TRHR: variants seen among roughly 807,000 people sequenced by gnomAD.
The protein encoded by TRHR is thyrotropin-releasing hormone receptor.
Under a neutral mutation model 28.0 loss-of-function variants are expected in TRHR, and 14 were observed. The ratio of observed to expected loss-of-function variants is 0.50; its 90% CI spans 0.33 to 0.78. TRHR has a LOEUF of 0.78. TRHR is among the 30% of genes least tolerant of loss of function. The pLI is 0.02. For missense variants in TRHR, 438 were observed against 469.5 expected (o/e 0.93, Z 0.62); for synonymous variants, 176 against 171.9 (o/e 1.02, Z -0.18).
intron 2 of TRHR, among the ~76,000 whole-genome samples, chr8:109,092,782 G>C (rs760666979): frequency 6.6e-6 from 1 of 151,944 alleles, no homozygotes; most frequent in African/African-American, 2.4e-5. Flanking sequence ...GCTGTTATTG[G>C]TGATAATGAC....
At position 109,119,935 on chromosome 8, in the gene TRHR, G is replaced by C. The variant is rs1038065460; in HGVS notation, c.*480G>C. 6.6e-6 allele frequency among the ~76,000 whole-genome samples: 1 copy of C among 151,680 alleles called. No homozygotes were observed. The highest frequency in any genetic ancestry group is 6.6e-5 in the Admixed American group (1 of 15,192). On this transcript the variant is annotated 3_prime_UTR_variant, in exon 3 of 3. Transcript: ENST00000518632. ...TAGTTCATGAATATCTGAAATTAAA[G>C]GGAAAAATATTACAGAAACATTTTA...
At chr8:109,103,543 A>G (rs1355714541) in intron 2 of TRHR, among the ~76,000 whole-genome samples, 1 of 152,150 alleles carries the variant, frequency 6.6e-6, no homozygotes, top group Non-Finnish European at 1.5e-5. Flanking sequence ...AAAACCATCA[A>G]GAGTACTAAA....
chr8:109,102,400 C>A (rs1811691150), intron 2 of TRHR, among the ~76,000 whole-genome samples: 1 of 152,136 alleles, frequency 6.6e-6, no homozygotes. Context: ...GCTCATCCTT[C>A]TTTTTCTTGT....
In TRHR at chr8:109,120,885, T is replaced by C. The variant is rs1160467425; in HGVS notation, c.*1430T>C. 6.6e-6 allele frequency among the ~76,000 whole-genome samples: 1 copy of C among 151,592 alleles called. No homozygotes were observed. The highest frequency in any genetic ancestry group is 6.6e-5 in the Admixed American group (1 of 15,172). On this transcript the variant is annotated 3_prime_UTR_variant, in exon 3 of 3. Coordinates refer to ENST00000518632, the MANE Select transcript of TRHR (RefSeq NM_003301.7). Reference sequence around the variant, plus strand: ...AATGAGTAGATCAAAAAAGTACCCATACCTTTACATGCCCGTAGGCTGTCA... The same window carrying C: ...AATGAGTAGATCAAAAAAGTACCCACACCTTTACATGCCCGTAGGCTGTCA...
intron 1 of TRHR, among the ~76,000 whole-genome samples, chr8:109,087,108 T>C (rs1320406422): frequency 6.6e-6 from 1 of 152,202 alleles, no homozygotes; most frequent in Non-Finnish European, 1.5e-5. Flanking sequence ...GGTGTATTCA[T>C]ATTTATTTTT....
chr8:109,095,824 G>A (rs903679550), intron 2 of TRHR, among the ~76,000 whole-genome samples: 2 of 151,842 alleles, frequency 1.3e-5, no homozygotes, highest in Admixed American at 1.3e-4. Flanking sequence ...TTTTTCTCCT[G>A]TTATCCCCCC....
intron 2 of TRHR, among the ~76,000 whole-genome samples, chr8:109,090,280 T>C (rs1218097916): frequency 6.6e-6 from 1 of 152,226 alleles, no homozygotes; most frequent in African/African-American, 2.4e-5. Context: ...TCCTTCTCAA[T>C]TTTTAAAAAT....
chr8:109,117,427 G>A lies in TRHR; in HGVS notation c.790-1621G>A, dbSNP rs1483172070. 2.6e-5 allele frequency among the ~76,000 whole-genome samples: 4 copies of A among 151,924 alleles called. No homozygotes were observed. In the East Asian group the frequency reaches 7.8e-4, roughly 29 times the overall value. ...GTATTAAATAAGATAATGTTTATAT[G>A]GCATTTTTCAGATTACTTGGGCCAT... On this transcript the variant is annotated intron_variant, in intron 2 of 2. Transcript: ENST00000518632.
At chr8:109,101,683 G>A (rs1361673767) in intron 2 of TRHR, among the ~76,000 whole-genome samples, 1 of 152,144 alleles carries the variant, frequency 6.6e-6, no homozygotes, top group African/African-American at 2.4e-5. Context: ...AGCATGTCAG[G>A]TTTAGTTTTG....
rs369280510 is a variant in TRHR, at chr8:109,088,136, C to T, written c.624C>T (p.Thr208=). ...VFYVVPMILA[T]VLYGFIARIL... ...ATGTTGTGCCAATGATCCTGGCTAC[C>T]GTCCTCTATGGATTCATAGCTAGAA... is the stretch of plus-strand genomic sequence containing the variant. Residue 208 remains threonine (T), a synonymous_variant, in exon 2 of 3, where the codon ACC becomes ACT. Transcript: ENST00000518632. 8.1e-6 allele frequency: 13 copies of T among 1,614,138 alleles called. No individual in the cohort carries two copies. Among genetic ancestry groups the T allele is most frequent in the African/African-American group, 6.7e-5 (5 of 75,034 alleles).
At chr8:109,093,221 T>C (rs781541563) in intron 2 of TRHR, among the ~76,000 whole-genome samples, 8 of 151,602 alleles carry the variant, frequency 5.3e-5, no homozygotes, top group Non-Finnish European at 1.2e-4. Context: ...TACTCTTCCC[T>C]CTCTCCCATG....
In TRHR at chr8:109,087,689, C is replaced by T. The variant is rs769518194; in HGVS notation, c.177C>T (p.Pro59=). 71 of 1,613,956 alleles carry T rather than the reference C, an allele frequency of 4.4e-5. 1 individual carries two copies. In the South Asian group the frequency reaches 7.2e-4, roughly 16 times the overall value. Residue 59 remains proline, a synonymous_variant, in exon 2 of 3, where the codon CCC becomes CCT. Coordinates refer to ENST00000518632, the MANE Select transcript of TRHR (RefSeq NM_003301.7). Reference sequence around the variant, plus strand: ...TGAGAACCAAGCACATGAGGACCCCCACAAACTGCTACCTGGTGAGCCTGG... The same window carrying T: ...TGAGAACCAAGCACATGAGGACCCCTACAAACTGCTACCTGGTGAGCCTGG... ...VVMRTKHMRT[P]TNCYLVSLAV... is the part of the protein sequence containing the mutation.
intron 2 of TRHR, among the ~76,000 whole-genome samples, chr8:109,089,546 G>T (rs3134106): frequency 0.16 from 23,557 of 151,950 alleles, 2,390 homozygotes; most frequent in Admixed American, 0.31. Flanking sequence ...CATTTTAAAT[G>T]GTGCTGTAAT....
rs534306251 is a variant in TRHR at position 109,101,908 on chromosome 8, A to T, written c.789+13607A>T. ...ATAGCTAGAATTCTGGGAGAATGAG[A>T]TGTAGGGCCTTTGAAATAAACAGCG... On this transcript the variant is annotated intron_variant, in intron 2 of 2. Coordinates refer to ENST00000518632, the MANE Select transcript of TRHR (RefSeq NM_003301.7). Among the ~76,000 whole-genome samples the T allele has an allele frequency of 5.9e-4, 90 of 152,282 alleles. No homozygotes were observed. The Middle Eastern group carries it at 0.01, about 17-fold the overall frequency.
chr8:109,099,334 T>C (rs1811643473), intron 2 of TRHR, among the ~76,000 whole-genome samples: 1 of 152,124 alleles, frequency 6.6e-6, no homozygotes, highest in Non-Finnish European at 1.5e-5. Context: ...AATAGGAGGC[T>C]AAAATGGGAT....
intron 2 of TRHR, among the ~76,000 whole-genome samples, chr8:109,113,018 AT>A (rs1467962178): frequency 5.9e-5 from 9 of 152,270 alleles, no homozygotes; most frequent in African/African-American, 1.9e-4. Flanking sequence ...GATTTGGAGC[AT>A]TGATGAGAAA....
chr8:109,093,540 G>A (rs1811545489), intron 2 of TRHR, among the ~76,000 whole-genome samples: 2 of 150,804 alleles, frequency 1.3e-5, no homozygotes, highest in Non-Finnish European at 2.9e-5. Flanking sequence ...CGAGTAGCTG[G>A]GATTACAGGC....
Position 109,119,098 on chromosome 8 carries a change from G to A in TRHR, c.840G>A (p.Met280Ile). Residue 280 changes from methionine (M) to isoleucine (I), a missense_variant, in exon 3 of 3, where the codon ATG becomes ATA. By Grantham distance (10) the Met-to-Ile change is conservative. Coordinates refer to ENST00000518632, the MANE Select transcript of TRHR (RefSeq NM_003301.7). ...TAATTCTGTTTGCCCTTTTATGGAT[G>A]CCCTACAGGACTCTAGTGGTTGTCA... ...VVVILFALLW[M>I]PYRTLVVVNS... The A allele has an allele frequency of 6.2e-7, 1 of 1,612,834 alleles. No homozygotes were observed. Among genetic ancestry groups the A allele is most frequent in the Non-Finnish European group, 8.5e-7 (1 of 1,179,232 alleles).
At chr8:109,106,811 A>G (rs1055254091) in intron 2 of TRHR, among the ~76,000 whole-genome samples, 3 of 152,194 alleles carry the variant, frequency 2.0e-5, no homozygotes, top group Non-Finnish European at 2.9e-5. Flanking sequence ...TTGTTTATTC[A>G]TTCATTTCCT....
Sources: gnomAD v4.1 joint callset for allele counts (sites outside exome capture counted in the v4.1 genomes callset) on GRCh38, gnomAD v4.1.1 for gene constraint, MANE v1.5 for transcripts, NCBI Gene and HGNC (gene_info 2026-07-23, HGNC 2026-07-21) for gene names.